Variants in ATRNL1 observed in about 807,000 individuals in gnomAD.
The protein encoded by ATRNL1 is attractin like 1.
ATRNL1 carries 95 observed loss-of-function variants against 182.7 expected under a neutral mutation model. That is an observed-to-expected ratio of 0.52 (90% confidence interval 0.44 to 0.62). The LOEUF (loss-of-function observed/expected upper bound fraction) is 0.62. ATRNL1 is among the 20% of genes least tolerant of loss of function. The pLI is 0.00. For synonymous variants in ATRNL1, 576 were observed against 568.3 expected, an observed-to-expected ratio of 1.01 and a Z score of -0.19; for missense variants, 1,471 against 1,679.5, an observed-to-expected ratio of 0.88 and a Z score of 2.17.
chr10:115,102,933 T>C (rs1364734578), intron 1 of ATRNL1, among the ~76,000 whole-genome samples: 1 of 152,130 alleles, frequency 6.6e-6, no homozygotes, highest in Non-Finnish European at 1.5e-5. Context: ...TTGAATTATC[T>C]CGTTCTTCAT....
intron 8 of ATRNL1, among the ~76,000 whole-genome samples, chr10:115,212,786 G>T (rs1441368514): frequency 1.3e-5 from 2 of 152,036 alleles, no homozygotes; most frequent in Non-Finnish European, 2.9e-5. Context: ...TTATAAGTGG[G>T]AGCTAAATGA....
At chr10:115,307,378 G>C (rs1356412395) in intron 17 of ATRNL1, among the ~76,000 whole-genome samples, 2 of 152,010 alleles carry the variant, frequency 1.3e-5, no homozygotes, top group African/African-American at 4.8e-5. Flanking sequence ...TTCTCCTGCT[G>C]CAGCCTCCTG....
Position 115,576,952 on chromosome 10 carries a change from G to C in ATRNL1, c.3795+27416G>C, listed in dbSNP as rs143764920. Among the ~76,000 whole-genome samples the C allele has an allele frequency of 2.6e-3, 389 of 151,478 alleles. 1 individual carries two copies. The highest frequency in any genetic ancestry group is 9.1e-3 in the African/African-American group (375 of 41,330). On this transcript the variant is annotated intron_variant, in intron 26 of 28. Transcript: ENST00000355044. ...GGGCATTTTCATTTCTTTTCATGTT[G>C]ACATTCAGTTTTCCCACCACCATTT...
chr10:115,788,005 T>C (rs1356834242), intron 27 of ATRNL1, among the ~76,000 whole-genome samples: 1 of 152,200 alleles, frequency 6.6e-6, no homozygotes, highest in Non-Finnish European at 1.5e-5. Context: ...CCATTTCTGT[T>C]GTTTTAAGCC....
intron 13 of ATRNL1, among the ~76,000 whole-genome samples, chr10:115,273,995 A>G (rs537593740): frequency 6.6e-6 from 1 of 152,312 alleles, no homozygotes; most frequent in South Asian, 2.1e-4. Flanking sequence ...ATGGTTAAAC[A>G]TTCAGTTTCT....
At chr10:115,449,141 A>G (rs1847160078) in intron 21 of ATRNL1, among the ~76,000 whole-genome samples, 1 of 152,136 alleles carries the variant, frequency 6.6e-6, no homozygotes, top group African/African-American at 2.4e-5. Context: ...TTTCTGCTCG[A>G]ATGTTGCCTT....
intron 26 of ATRNL1, among the ~76,000 whole-genome samples, chr10:115,674,226 T>A (rs1945790803): frequency 6.6e-6 from 1 of 152,040 alleles, no homozygotes; most frequent in South Asian, 2.1e-4. Flanking sequence ...GAGTGAGCTA[T>A]GAGTAGCATG....
chr10:115,871,479 G>GTA lies in ATRNL1; in HGVS notation c.4018+23512_4018+23513dup, dbSNP rs35917074. 5.2e-3 allele frequency among the ~76,000 whole-genome samples: 698 copies of GTA among 133,768 alleles called. 8 individuals are homozygous for GTA. The highest frequency in any genetic ancestry group is 0.021 in the African/African-American group (631 of 29,724). The allele number at this position is 133,768 out of a possible 152,430, so 87.8% of individuals were successfully genotyped here. A position where few individuals can be genotyped will look rare whatever the true frequency, so the allele number is the denominator to read the frequency against. ...GCCTGGTCAGATTCTTTGTGTGTGT[G>GTA]TATATATATATATATATATATATAT... is the stretch of plus-strand genomic sequence containing the variant. On this transcript the variant is annotated intron_variant, in intron 28 of 28. Coordinates refer to ENST00000355044, the MANE Select transcript of ATRNL1 (RefSeq NM_207303.4).
chr10:115,237,568 A>G (rs1850240379), intron 9 of ATRNL1, among the ~76,000 whole-genome samples: 1 of 152,112 alleles, frequency 6.6e-6, no homozygotes, highest in Non-Finnish European at 1.5e-5. Context: ...TGCCTTTTTT[A>G]AAATTGAGCT....
intron 8 of ATRNL1, among the ~76,000 whole-genome samples, chr10:115,173,716 G>A (rs781795613): frequency 4.6e-5 from 7 of 151,624 alleles, no homozygotes; most frequent in Non-Finnish European, 8.9e-5. Flanking sequence ...TTTGTTTAAT[G>A]TTTTCTTGAC....
At chr10:115,322,471 G>GA (rs1854633451) in intron 18 of ATRNL1, among the ~76,000 whole-genome samples, 1 of 151,274 alleles carries the variant, frequency 6.6e-6, no homozygotes, top group Non-Finnish European at 1.5e-5. Context: ...TATGGTTATA[G>GA]GACAAATAAT....
intron 27 of ATRNL1, among the ~76,000 whole-genome samples, chr10:115,734,222 T>C (rs1947884129): frequency 6.6e-6 from 1 of 152,120 alleles, no homozygotes; most frequent in African/African-American, 2.4e-5. Flanking sequence ...AGTTATTAAG[T>C]TTTAGGATCT....
At chr10:115,865,122 CAT>C (rs1386577397) in intron 28 of ATRNL1, among the ~76,000 whole-genome samples, 3 of 152,016 alleles carry the variant, frequency 2.0e-5, no homozygotes, top group African/African-American at 7.2e-5. Flanking sequence ...AGTCTAATAA[CAT>C]ATACACGCAA....
intron 27 of ATRNL1, among the ~76,000 whole-genome samples, chr10:115,737,145 G>T (rs1947975319): frequency 1.3e-5 from 2 of 151,404 alleles, no homozygotes; most frequent in African/African-American, 2.4e-5. Context: ...TACTTCATTG[G>T]GTAGGCACGG....
At chr10:115,240,617 T>C (rs1381659151) in intron 9 of ATRNL1, among the ~76,000 whole-genome samples, 1 of 152,160 alleles carries the variant, frequency 6.6e-6, no homozygotes, top group Admixed American at 6.5e-5. Context: ...AGCTGCTACA[T>C]ATACTATACT....
intron 26 of ATRNL1, among the ~76,000 whole-genome samples, chr10:115,670,400 G>A (rs1454621605): frequency 1.3e-5 from 2 of 152,062 alleles, no homozygotes; most frequent in African/African-American, 4.8e-5. Flanking sequence ...GAAAAAGAAT[G>A]CAATGGATCC....
rs781875463 is a variant in ATRNL1, at chr10:115,093,873, C to T, written c.123C>T (p.Ser41=). ...CCTCCTGGCTGCTGGACGGGAACAG[C>T]TGGCTGCTGTGCTATGGCTTCCTCT... ...GASSWLLDGN[S]WLLCYGFLYL... is the part of the protein sequence containing the mutation. Residue 41 remains serine, a synonymous_variant, in exon 1 of 29, where the codon AGC becomes AGT. Coordinates refer to ENST00000355044, the MANE Select transcript of ATRNL1 (RefSeq NM_207303.4). This position sits in a 1 kb window ranked among gnomAD's most constrained non-coding sequence, Gnocchi z 6.1. 1.3e-6 allele frequency: 2 copies of T among 1,581,476 alleles called. No homozygotes were observed. The highest frequency in any genetic ancestry group is 2.8e-5 in the African/African-American group (2 of 72,262).
intron 7 of ATRNL1, among the ~76,000 whole-genome samples, chr10:115,170,210 T>G (rs1023201426): frequency 1.1e-4 from 16 of 152,152 alleles, no homozygotes; most frequent in Admixed American, 8.5e-4. Flanking sequence ...GTTCCTGACC[T>G]TAGGGAAATG....
intron 10 of ATRNL1, among the ~76,000 whole-genome samples, chr10:115,256,393 C>T (rs11197138): frequency 0.22 from 33,069 of 151,972 alleles, 4,608 homozygotes; most frequent in Non-Finnish European, 0.31. Flanking sequence ...GGAATTTATC[C>T]ATTTCTTTTA....
Sources: allele counts gnomAD v4.1 joint callset (sites outside exome capture counted in the v4.1 genomes callset), GRCh38; gene constraint gnomAD v4.1.1; non-coding constraint Gnocchi (gnomAD v3.1); transcripts MANE v1.5; gene names NCBI Gene and HGNC (gene_info 2026-07-23, HGNC 2026-07-21).